The following NPLOC4 variants were observed in gnomAD, a reference collection of about 807,000 sequenced individuals.
NPLOC4 encodes NPL4 homolog, ubiquitin recognition factor, also known as nuclear protein localization protein 4 homolog.
A neutral mutation model predicts 80.6 loss-of-function variants in NPLOC4; 18 were observed. The ratio of observed to expected loss-of-function variants is 0.22; its 90% CI spans 0.15 to 0.33. NPLOC4 has a LOEUF of 0.33. Among genes scored for constraint, NPLOC4 ranks in the 10% least tolerant of loss-of-function variants. The probability of loss-of-function intolerance (pLI) is 1.00; values close to 1 mark genes in which losing one functional copy is unlikely to be tolerated. For synonymous variants in NPLOC4, 313 were observed against 301.5 expected (o/e 1.04, Z -0.39); for missense variants, 540 against 786.1 (o/e 0.69, Z 3.74).
intron 7 of NPLOC4, among the ~76,000 whole-genome samples, chr17:81,605,158 G>A (rs960604044): frequency 2.0e-5 from 3 of 151,846 alleles, no homozygotes; most frequent in Admixed American, 6.6e-5. Context: ...GCGGGCGCCT[G>A]TAGTCTCAGT....
At chr17:81,594,464 G>A (rs990139707) in intron 11 of NPLOC4, among the ~76,000 whole-genome samples, 1 of 151,882 alleles carries the variant, frequency 6.6e-6, no homozygotes, top group Non-Finnish European at 1.5e-5. Context: ...AACACAGCAA[G>A]ACTTCATTTC....
At chr17:81,605,946 G>A (rs1000994494) in intron 7 of NPLOC4, among the ~76,000 whole-genome samples, 5 of 151,300 alleles carry the variant, frequency 3.3e-5, no homozygotes, top group African/African-American at 1.2e-4. Flanking sequence ...TCAGCCTCCT[G>A]AGCAACTGGG....
Position 81,572,245 on chromosome 17 carries a change from G to T in NPLOC4, c.1282-157C>A, listed in dbSNP as rs2034181655. 1 of 298,256 alleles carries T rather than the reference G, an allele frequency of 3.4e-6. No homozygotes were observed. Among genetic ancestry groups the T allele is most frequent in the South Asian group, 1.3e-4 (1 of 7,866 alleles). 18.5% of individuals were successfully genotyped at this position (298,256 alleles called of 1,614,324 possible). A position where few individuals can be genotyped will look rare whatever the true frequency, so the allele number is the denominator to read the frequency against. On this transcript the variant is annotated intron_variant, in intron 12 of 16. Transcript: ENST00000331134. This position sits in a 1 kb window ranked among gnomAD's most constrained non-coding sequence, Gnocchi z 4.5. Reference sequence around the variant, plus strand: ...GTGCTGTCGCCCAGGCTGGAATGCAGTGGCGTGATCTCCACTCACTGCAAG... The same window carrying T: ...GTGCTGTCGCCCAGGCTGGAATGCATTGGCGTGATCTCCACTCACTGCAAG...
chr17:81,636,403 T>A (rs2036073587), intron 1 of NPLOC4: 1 of 152,816 alleles, frequency 6.5e-6, no homozygotes, highest in South Asian at 2.1e-4. Context: ...TTCCCAGGTC[T>A]TCTGGTGGGG....
chr17:81,608,844 G>C, intron 5 of NPLOC4, 22 bp from the exon 6 acceptor site: 1 of 1,551,064 alleles, frequency 6.4e-7, no homozygotes, highest in African/African-American at 1.4e-5. Flanking sequence ...CAGAGTAAGC[G>C]AGTGCAGTCT....
chr17:81,583,494 A>G (rs2034496587), intron 12 of NPLOC4, among the ~76,000 whole-genome samples: 1 of 152,202 alleles, frequency 6.6e-6, no homozygotes, highest in African/African-American at 2.4e-5. Flanking sequence ...CCCTTTCACA[A>G]GAAAGGTGAA....
At chr17:81,632,425 G>A (rs2035958140) in intron 1 of NPLOC4, among the ~76,000 whole-genome samples, 1 of 150,834 alleles carries the variant, frequency 6.6e-6, no homozygotes, top group South Asian at 2.1e-4. Context: ...TGATTCTCCT[G>A]TCTCAGCCTC....
chr17:81,599,150 G>A (rs143855383), intron 9 of NPLOC4, among the ~76,000 whole-genome samples: 2,014 of 151,866 alleles, frequency 0.013, 65 homozygotes, highest in African/African-American at 0.046. Context: ...TTAACTGGGC[G>A]TTGTGGCGGG....
Position 81,577,588 on chromosome 17 carries a change from T to C in NPLOC4, c.1282-5500A>G, listed in dbSNP as rs2034335746. 6.6e-6 allele frequency among the ~76,000 whole-genome samples: 1 copy of C among 152,186 alleles called. No individual in the cohort carries two copies. Among genetic ancestry groups the C allele is most frequent in the Admixed American group, 6.5e-5 (1 of 15,272 alleles). ...GGTTAATTTAGGCTTTCTCCACAGA[T>C]AGTCTGAAAAGGGAACTATTGGCCT... On this transcript the variant is annotated intron_variant, in intron 12 of 16. Transcript: ENST00000331134. The surrounding 1 kb of genome is among the most constrained non-coding windows in gnomAD (Gnocchi z 4.3).
intron 2 of NPLOC4, 39 bp downstream of exon 2, chr17:81,629,686 G>T: frequency 6.9e-7 from 1 of 1,456,638 alleles, no homozygotes; most frequent in South Asian, 1.1e-5. Context: ...AGTAGAGGAT[G>T]AAAAATATCC....
intron 11 of NPLOC4, among the ~76,000 whole-genome samples, chr17:81,593,376 G>A (rs190264855): frequency 5.9e-5 from 9 of 152,128 alleles, no homozygotes; most frequent in East Asian, 1.9e-4. Context: ...AGGCCAGTAC[G>A]GATCCTGCTG....
chr17:81,619,464 G>A (rs905397896), intron 3 of NPLOC4, among the ~76,000 whole-genome samples: 10 of 151,224 alleles, frequency 6.6e-5, no homozygotes, highest in African/African-American at 1.5e-4. Context: ...CAGGAGAATC[G>A]CTTGAACCCG....
At chr17:81,594,190 G>C (rs1309606376) in intron 11 of NPLOC4, among the ~76,000 whole-genome samples, 1 of 146,784 alleles carries the variant, frequency 6.8e-6, no homozygotes. Flanking sequence ...CAGGAAAATG[G>C]CGTGAACCCG....
intron 3 of NPLOC4, among the ~76,000 whole-genome samples, chr17:81,617,155 G>A (rs1040334844): frequency 6.6e-6 from 1 of 152,322 alleles, no homozygotes; most frequent in Non-Finnish European, 1.5e-5. Flanking sequence ...GTCTTCACTG[G>A]AGGCCAGCGG....
rs1392291661 is a variant in NPLOC4, at chr17:81,637,054, C to T, written c.-124G>A. On this transcript the variant is annotated 5_prime_UTR_variant, in exon 1 of 17. Transcript: ENST00000331134. Reference sequence around the variant, plus strand: ...CCTCCCTACGCCGCCGCCACCGCCGCTCCAGCTTCGCCCGCCCGGCTCCGC... The same window carrying T: ...CCTCCCTACGCCGCCGCCACCGCCGTTCCAGCTTCGCCCGCCCGGCTCCGC... 2.4e-5 allele frequency: 12 copies of T among 502,604 alleles called. No individual in the cohort carries two copies. The highest frequency in any genetic ancestry group is 3.5e-5 in the Non-Finnish European group (12 of 341,152). 31.1% of individuals were successfully genotyped at this position (502,604 alleles called of 1,614,324 possible).
intron 12 of NPLOC4, among the ~76,000 whole-genome samples, chr17:81,575,580 A>G (rs62073409): frequency 0.083 from 12,680 of 152,304 alleles, 601 homozygotes; most frequent in Middle Eastern, 0.17. Context: ...AAGGGTTACA[A>G]AGATGAGTGA....
In NPLOC4 at chr17:81,558,986, G is replaced by C. The variant is rs1056895141; in HGVS notation, c.*273C>G. On this transcript the variant is annotated 3_prime_UTR_variant, in exon 17 of 17. Coordinates refer to ENST00000331134, the MANE Select transcript of NPLOC4 (RefSeq NM_017921.4). ...AGGCGAGAGGTCTTTCCAACACGGC[G>C]GGGGACTTGTCAACAGGATTAGGCG... The C allele has an allele frequency of 2.6e-6, 1 of 388,636 alleles. No homozygotes were observed. Among genetic ancestry groups the C allele is most frequent in the African/African-American group, 2.1e-5 (1 of 48,378 alleles). The allele number at this position is 388,636 out of a possible 1,614,324, so 24.1% of individuals were successfully genotyped here.
intron 15 of NPLOC4, 96 bp from the exon 16 acceptor site, chr17:81,565,703 T>G: frequency 1.1e-6 from 1 of 898,502 alleles, no homozygotes; most frequent in South Asian, 1.7e-5. Flanking sequence ...TCAAGACGTA[T>G]TTCTGAGGAC....
intron 1 of NPLOC4, among the ~76,000 whole-genome samples, chr17:81,634,862 C>T (rs978624272): frequency 6.6e-6 from 1 of 151,880 alleles, no homozygotes; most frequent in African/African-American, 2.4e-5. Context: ...GGATTACAGG[C>T]GTGAGCCACT....
Sources: gnomAD v4.1 joint callset for allele counts (sites outside exome capture counted in the v4.1 genomes callset) on GRCh38, gnomAD v4.1.1 for gene constraint, Gnocchi (gnomAD v3.1) non-coding constraint, MANE v1.5 for transcripts, NCBI Gene and HGNC (gene_info 2026-07-23, HGNC 2026-07-21) for gene names.